Variants in TACC2 observed in about 807,000 individuals in gnomAD.
The protein encoded by TACC2 is transforming acidic coiled-coil containing protein 2, also known as transforming acidic coiled-coil-containing protein 2.
TACC2 carries 137 observed loss-of-function variants against 227.3 expected under a neutral mutation model. The observed-to-expected ratio is 0.60, with a 90% CI of 0.52 to 0.69. The LOEUF (loss-of-function observed/expected upper bound fraction) is 0.69. TACC2 is among the 30% of genes least tolerant of loss of function. The probability of loss-of-function intolerance (pLI) is 0.00; values close to 1 mark genes in which losing one functional copy is unlikely to be tolerated. For missense variants in TACC2, 3,470 were observed against 3,694.4 expected (o/e 0.94, Z 1.57); for synonymous variants, 1,523 against 1,487.5 (o/e 1.02, Z -0.55).
At chr10:122,130,814 C>G (rs578166574) in intron 5 of TACC2, among the ~76,000 whole-genome samples, 2 of 152,122 alleles carry the variant, frequency 1.3e-5, no homozygotes, top group Non-Finnish European at 2.9e-5. Flanking sequence ...GCCATCTATA[C>G]GCACTTAGAA....
At chr10:122,011,617 C>T (rs58356853) in intron 1 of TACC2, among the ~76,000 whole-genome samples, 14,168 of 152,156 alleles carry the variant, frequency 0.093, 1,359 homozygotes, top group African/African-American at 0.25. Context: ...TATGAGCGGC[C>T]GTGCCTGGCC....
intron 1 of TACC2, among the ~76,000 whole-genome samples, chr10:122,008,267 T>TTATTA (rs1370151687): frequency 5.7e-5 from 1 of 17,690 alleles, no homozygotes; most frequent in Non-Finnish European, 1.2e-4. Context: ...TATTATTATT[T>TTATTA]TTTTTTTTTG....
intron 2 of TACC2, among the ~76,000 whole-genome samples, chr10:122,027,558 G>A (rs375571525): frequency 6.6e-6 from 1 of 152,054 alleles, no homozygotes; most frequent in Non-Finnish European, 1.5e-5. Flanking sequence ...GTGTGGCTCT[G>A]TTTCTGGGTT....
In TACC2 at chr10:122,062,477, A is replaced by AT. The variant is rs67512008; in HGVS notation, c.146+11943dup. On this transcript the variant is annotated intron_variant, in intron 3 of 22. Coordinates refer to ENST00000369005, the MANE Select transcript of TACC2 (RefSeq NM_206862.4). ...CGCCACCACGTCCGGCTAATTTTGA[A>AT]TTTTTTTTTTTTTTTTAGTAGAGAC... Among the ~76,000 whole-genome samples, 564 of 142,976 alleles carry AT rather than the reference A, an allele frequency of 3.9e-3. 2 individuals carry two copies. Among genetic ancestry groups the AT allele is most frequent in the African/African-American group, 0.013 (517 of 39,054 alleles). The allele number at this position is 142,976 out of a possible 152,430, so 93.8% of individuals were successfully genotyped here.
rs2094989515 is a variant in TACC2, at chr10:122,203,854, C to G, written c.5972-6543C>G. On this transcript the variant is annotated intron_variant, in intron 8 of 22. Coordinates refer to ENST00000369005, the MANE Select transcript of TACC2 (RefSeq NM_206862.4). Reference sequence around the variant, plus strand: ...CGAGCCGAGATCACGCCACTGCACTCCAGCCTTGGCACCATTGAGCACTGA... The same window carrying G: ...CGAGCCGAGATCACGCCACTGCACTGCAGCCTTGGCACCATTGAGCACTGA... Among the ~76,000 whole-genome samples the G allele has an allele frequency of 3.3e-5, 5 of 150,978 alleles. No homozygotes were observed. In the South Asian group the frequency reaches 1.0e-3, roughly 31 times the overall value.
chr10:122,083,971 G>T lies in TACC2; in HGVS notation c.1471G>T (p.Ala491Ser). The T allele has an allele frequency of 2.5e-6, 4 of 1,614,058 alleles. No individual in the cohort carries two copies. Among genetic ancestry groups the T allele is most frequent in the Middle Eastern group, 1.6e-4 (1 of 6,062 alleles). ...HPEGDPGEVP[A>S]PSPQERGEHL... ...AGAAGGGGACCCTGGAGAGGTTCCT[G>T]CCCCATCACCCCAGGAGAGGGGAGA... is the stretch of plus-strand genomic sequence containing the variant. The change falls in exon 4 of 23, where the codon GCC (alanine) becomes TCC (serine). Residue 491 changes from alanine to serine, a missense_variant. Physicochemically the swap from Ala to Ser is moderately conservative, Grantham distance 99. Coordinates refer to ENST00000369005, the MANE Select transcript of TACC2 (RefSeq NM_206862.4).
chr10:122,216,657 C>T lies in TACC2; in HGVS notation c.7375C>T (p.Pro2459Ser). The stretch of plus-strand genomic sequence containing the variant: ...CACCCCAGCTGCTACACCAGAAACA[C>T]CACCAGTGATCTCTGCGGTGGTCCA... ...DPTPAATPET[P>S]PVISAVVHAT... Residue 2459 changes from proline to serine, a missense_variant, in exon 11 of 23, where the codon CCA (proline) becomes TCA (serine). This residue lies in a region of TACC2 where 593 missense variants were observed against 636.6 expected (regional missense o/e 0.93). Coordinates refer to ENST00000369005, the MANE Select transcript of TACC2 (RefSeq NM_206862.4). The T allele has an allele frequency of 6.2e-7, 1 of 1,614,020 alleles. No individual in the cohort carries two copies. Among genetic ancestry groups the T allele is most frequent in the South Asian group, 1.1e-5 (1 of 91,070 alleles).
chr10:122,216,674 G>C lies in TACC2; in HGVS notation c.7392G>C (p.Ala2464=), dbSNP rs780903530. Residue 2464 remains alanine (A), a synonymous_variant, in exon 11 of 23, where the codon GCG becomes GCC. Transcript: ENST00000369005. ...ATPETPPVIS[A]VVHATDEEKL... ...CAGAAACACCACCAGTGATCTCTGC[G>C]GTGGTCCACGCCACAGATGAGGAAA... is the stretch of plus-strand genomic sequence containing the variant. 3 of 1,614,054 alleles carry C rather than the reference G, an allele frequency of 1.9e-6. No individual in the cohort carries two copies. The highest frequency in any genetic ancestry group is 1.6e-4 in the Middle Eastern group (1 of 6,062).
chr10:122,088,629 C>G, intron 5 of TACC2, 38 bp downstream of exon 5: 1 of 1,596,680 alleles, frequency 6.3e-7, no homozygotes. Flanking sequence ...GGCCATGATG[C>G]CTTCCTTAGA....
At chr10:122,091,696 T>G (rs1259848480) in intron 5 of TACC2, among the ~76,000 whole-genome samples, 1 of 152,254 alleles carries the variant, frequency 6.6e-6, no homozygotes, top group African/African-American at 2.4e-5. Flanking sequence ...GAGGAAGCCG[T>G]GCACGTGGAC....
At chr10:122,202,664 C>CTT (rs1313395010) in intron 8 of TACC2, among the ~76,000 whole-genome samples, 4 of 145,120 alleles carry the variant, frequency 2.8e-5, no homozygotes, top group African/African-American at 5.0e-5. Flanking sequence ...TTCTTTCTTT[C>CTT]TTTTTTTTTT....
At position 122,112,220 on chromosome 10, in the gene TACC2, G is replaced by A. The variant is rs374213879; in HGVS notation, c.5574-20389G>A. ...ACGGGCTCTTCATGATTGGGGCCTA[G>A]CTGCAGAAATTTCTAGAGAAAAGGT... is the stretch of plus-strand genomic sequence containing the variant. On this transcript the variant is annotated intron_variant, in intron 5 of 22. Transcript: ENST00000369005. Among the ~76,000 whole-genome samples the A allele has an allele frequency of 2.6e-5, 4 of 152,294 alleles. No individual in the cohort carries two copies. In the South Asian group the frequency reaches 8.3e-4, roughly 32 times the overall value.
Position 122,230,806 on chromosome 10 carries a change from T to C in TACC2, c.8127+366T>C, listed in dbSNP as rs115555983. Among the ~76,000 whole-genome samples the C allele has an allele frequency of 2.9e-3, 449 of 152,258 alleles. 3 individuals are homozygous for C. Among genetic ancestry groups the C allele is most frequent in the African/African-American group, 9.4e-3 (390 of 41,536 alleles). The stretch of plus-strand genomic sequence containing the variant: ...TCATGACCTTTGAGGGTTTTTTTTT[T>C]CTACAGATACCATTTGCTTCTCTAT... On this transcript the variant is annotated intron_variant, in intron 16 of 22. Coordinates refer to ENST00000369005, the MANE Select transcript of TACC2 (RefSeq NM_206862.4).
intron 3 of TACC2, among the ~76,000 whole-genome samples, chr10:122,062,245 G>A (rs1009546489): frequency 6.6e-6 from 1 of 151,930 alleles, no homozygotes; most frequent in Non-Finnish European, 1.5e-5. Flanking sequence ...GTGTTAGCCA[G>A]GATGGTCTCA....
At chr10:122,169,810 G>T (rs1399407549) in intron 7 of TACC2, among the ~76,000 whole-genome samples, 2 of 152,156 alleles carry the variant, frequency 1.3e-5, no homozygotes, top group African/African-American at 4.8e-5. Flanking sequence ...GAGCACAGTG[G>T]CACAATCATG....
chr10:122,219,817 C>T (rs1216953440), intron 11 of TACC2, among the ~76,000 whole-genome samples: 1 of 152,124 alleles, frequency 6.6e-6, no homozygotes, highest in African/African-American at 2.4e-5. Flanking sequence ...GCAGGCAGAT[C>T]ACTTGAGGTC....
intron 2 of TACC2, among the ~76,000 whole-genome samples, chr10:122,030,276 G>A (rs1591263383): frequency 6.6e-6 from 1 of 152,170 alleles, no homozygotes; most frequent in South Asian, 2.1e-4. Context: ...TTACTTTCAC[G>A]AAATCCCACT....
intron 7 of TACC2, among the ~76,000 whole-genome samples, chr10:122,144,000 T>C (rs766473985): frequency 1.2e-4 from 19 of 152,204 alleles, no homozygotes; most frequent in Non-Finnish European, 2.5e-4. Flanking sequence ...TATGTGTATG[T>C]ATTTATATGT....
chr10:122,201,898 G>A (rs376299234), intron 8 of TACC2, among the ~76,000 whole-genome samples: 6 of 152,182 alleles, frequency 3.9e-5, no homozygotes, highest in East Asian at 3.9e-4. Context: ...TCACCAAGCC[G>A]ATTAGTGGCA....
Sources: allele counts gnomAD v4.1 joint callset (sites outside exome capture counted in the v4.1 genomes callset), GRCh38; gene constraint gnomAD v4.1.1; regional missense constraint gnomAD v4.1.1; transcripts MANE v1.5; gene names NCBI Gene and HGNC (gene_info 2026-07-23, HGNC 2026-07-21).